DOCK8: variants seen among roughly 807,000 people sequenced by gnomAD.
The protein encoded by DOCK8 is dedicator of cytokinesis protein 8.
In DOCK8, 141 loss-of-function variants were observed where a neutral mutation model predicts 245.6. The observed-to-expected ratio is 0.57, with a 90% confidence interval of 0.50 to 0.66. The LOEUF is 0.66. Ranked by LOEUF, DOCK8 falls within the 30% of genes least tolerant of loss-of-function variation. DOCK8 has a pLI of 0.00. For missense variants in DOCK8, 2,965 were observed against 2,603.4 expected, an observed-to-expected ratio of 1.14 and a Z score of -3.02; for synonymous variants, 1,168 against 970.2, an observed-to-expected ratio of 1.20 and a Z score of -3.79.
At chr9:445,247 T>C (rs1472517580) in intron 43 of DOCK8, among the ~76,000 whole-genome samples, 1 of 152,106 alleles carries the variant, frequency 6.6e-6, no homozygotes, top group Non-Finnish European at 1.5e-5. Context: ...CCTTTTCCCC[T>C]CTTTTAAAAT....
upstream of DOCK8, chr9:214,627 G>A (rs2046689197): frequency 1.2e-6 from 2 of 1,613,082 alleles, no homozygotes; most frequent in Non-Finnish European, 1.7e-6. Context: ...TGCGCGCAGT[G>A]GTCGCCTGTC....
chr9:286,304 T>C (rs1367681598), intron 2 of DOCK8, among the ~76,000 whole-genome samples, 157 bp from the exon 3 acceptor site: 1 of 152,212 alleles, frequency 6.6e-6, no homozygotes, highest in Middle Eastern at 3.2e-3. Flanking sequence ...TCACTACTTC[T>C]GTGTTTGACA....
At chr9:219,795 G>A (rs922592050) in intron 1 of DOCK8, among the ~76,000 whole-genome samples, 1 of 152,130 alleles carries the variant, frequency 6.6e-6, no homozygotes, top group Admixed American at 6.5e-5. Context: ...TACTTGGAAG[G>A]CTGAGATGGG....
At chr9:289,314 C>A (rs1217044932) in intron 3 of DOCK8, among the ~76,000 whole-genome samples, 196 bp from the exon 4 acceptor site, 1 of 152,140 alleles carries the variant, frequency 6.6e-6, no homozygotes, top group African/African-American at 2.4e-5. Flanking sequence ...AAAATGCCAA[C>A]ATGTTTGTCT....
intron 1 of DOCK8, among the ~76,000 whole-genome samples, chr9:220,555 G>A (rs1016930281): frequency 6.6e-6 from 1 of 152,058 alleles, no homozygotes; most frequent in African/African-American, 2.4e-5. Flanking sequence ...GAGAAGGTAG[G>A]GATGTTACCA....
chr9:463,664 A>G lies in DOCK8; in HGVS notation c.6216A>G (p.Ile2072Met), dbSNP rs1047005179. Residue 2072 changes from isoleucine to methionine, a missense_variant, in exon 47 of 48, where the codon ATA (isoleucine) becomes ATG (methionine). This residue lies in a region of DOCK8 where 134 missense variants were observed against 128.1 expected (regional missense o/e 1.05). Coordinates refer to ENST00000432829, the MANE Select transcript of DOCK8 (RefSeq NM_203447.4). Reference protein sequence around the residue: ...ERKIPELYKPIFRVESQKRDS... With the variant: ...ERKIPELYKPMFRVESQKRDS... Reference sequence around the variant, plus strand: ...AAATTCCAGAACTGTACAAGCCAATATTCAGAGTTGAGAGTCAAAAGAGGT... The same window carrying G: ...AAATTCCAGAACTGTACAAGCCAATGTTCAGAGTTGAGAGTCAAAAGAGGT... 1.9e-6 allele frequency: 3 copies of G among 1,613,830 alleles called. No homozygotes were observed. Among genetic ancestry groups the G allele is most frequent in the Non-Finnish European group, 2.5e-6 (3 of 1,180,042 alleles).
intron 14 of DOCK8, among the ~76,000 whole-genome samples, chr9:344,956 G>A (rs577789138): frequency 2.0e-5 from 3 of 152,278 alleles, no homozygotes; most frequent in East Asian, 1.9e-4. Flanking sequence ...GGAGGCTGAG[G>A]CGGGAGAATC....
At chr9:414,509 A>G (rs766039971) in intron 28 of DOCK8, among the ~76,000 whole-genome samples, 2 of 152,038 alleles carry the variant, frequency 1.3e-5, no homozygotes, top group Non-Finnish European at 2.9e-5. Flanking sequence ...TCTGGATTCT[A>G]TATAGTTCTA....
chr9:436,210 A>G (rs1268114922), intron 39 of DOCK8, among the ~76,000 whole-genome samples: 2 of 152,232 alleles, frequency 1.3e-5, no homozygotes, highest in East Asian at 1.9e-4. Context: ...AAGAACAAAA[A>G]TAGTCATTCT....
chr9:460,918 C>T lies in DOCK8; in HGVS notation c.6069-2599C>T, dbSNP rs573569020. ...AAATAATGTAAGCCATATTGATCACCCACGTCTTATTCATTTGAAGGATAA... is the reference window on the plus strand; with the variant it reads ...AAATAATGTAAGCCATATTGATCACTCACGTCTTATTCATTTGAAGGATAA... On this transcript the variant is annotated intron_variant, in intron 46 of 47. Transcript: ENST00000432829. 4.8e-4 allele frequency among the ~76,000 whole-genome samples: 73 copies of T among 152,266 alleles called. 1 individual carries two copies. The highest frequency in any genetic ancestry group is 2.5e-3 in the South Asian group (12 of 4,824).
chr9:287,571 G>A (rs2048872765), intron 3 of DOCK8, among the ~76,000 whole-genome samples: 1 of 152,124 alleles, frequency 6.6e-6, no homozygotes, highest in Admixed American at 6.5e-5. Context: ...GTTTAAGGAG[G>A]TTGGATGATA....
chr9:400,243 ACCT>A lies in DOCK8; in HGVS notation c.3234+987_3234+989del, dbSNP rs1554691681. On this transcript the variant is annotated intron_variant, in intron 26 of 47. Transcript: ENST00000432829. ...CACCACCACCTCCACCATCACCACC[ACCT>A]CCACCATCACCACCACCTCCACCAT... Among the ~76,000 whole-genome samples the A allele has an allele frequency of 1.8e-4, 10 of 56,460 alleles. 1 individual carries two copies. The highest frequency in any genetic ancestry group is 1.2e-3 in the African/African-American group (9 of 7,368). The allele number at this position is 56,460 out of a possible 152,430, so 37.0% of individuals were successfully genotyped here.
At chr9:354,513 CA>C (rs1316371367) in intron 14 of DOCK8, among the ~76,000 whole-genome samples, 1 of 152,212 alleles carries the variant, frequency 6.6e-6, no homozygotes, top group Non-Finnish European at 1.5e-5. Context: ...CAGCTCAAAA[CA>C]ACAGTCATTA....
intron 39 of DOCK8, among the ~76,000 whole-genome samples, chr9:436,871 A>G (rs1371988614): frequency 6.6e-6 from 1 of 152,202 alleles, no homozygotes; most frequent in Non-Finnish European, 1.5e-5. Context: ...TATAATTATG[A>G]GAAATACTGT....
chr9:240,609 A>C (rs1406904627), intron 1 of DOCK8, among the ~76,000 whole-genome samples: 1 of 152,172 alleles, frequency 6.6e-6, no homozygotes, highest in Non-Finnish European at 1.5e-5. Flanking sequence ...CCAGAGCTAC[A>C]TGTTACTTAT....
intron 10 of DOCK8, among the ~76,000 whole-genome samples, chr9:333,473 T>TGGGC (rs2051140848): frequency 1.3e-5 from 2 of 152,074 alleles, no homozygotes; most frequent in Non-Finnish European, 2.9e-5. Flanking sequence ...TGGTGGCACG[T>TGGGC]GCCTGTATTC....
At chr9:400,698 C>CCACCAGCATCTTCACCAT (rs1564015001) in intron 26 of DOCK8, among the ~76,000 whole-genome samples, 1 of 69,244 alleles carries the variant, frequency 1.4e-5, no homozygotes, top group Non-Finnish European at 2.4e-5. Context: ...ACCTCCACCA[C>CCACCAGCATCTTCACCAT]CACCACCACC....
intron 14 of DOCK8, among the ~76,000 whole-genome samples, chr9:354,476 A>G (rs181424523): frequency 1.3e-5 from 2 of 151,920 alleles, no homozygotes; most frequent in Non-Finnish European, 2.9e-5. Context: ...TGTGTTAGTT[A>G]TCTATTGCTG....
At chr9:392,034 A>G (rs918518351) in intron 24 of DOCK8, among the ~76,000 whole-genome samples, 1 of 151,532 alleles carries the variant, frequency 6.6e-6, no homozygotes, top group African/African-American at 2.4e-5. Flanking sequence ...TCTACTCAGG[A>G]GGCTGAGGCA....
Sources: gnomAD v4.1 joint callset for allele counts (sites outside exome capture counted in the v4.1 genomes callset) on GRCh38, gnomAD v4.1.1 for gene constraint, gnomAD v4.1.1 regional missense constraint, MANE v1.5 for transcripts, NCBI Gene and HGNC (gene_info 2026-07-23, HGNC 2026-07-21) for gene names.